SHANK2: variants seen among roughly 807,000 people sequenced by gnomAD.
SHANK2 encodes SH3 and multiple ankyrin repeat domains 2, also known as SH3 and multiple ankyrin repeat domains protein 2.
SHANK2 carries 43 observed loss-of-function variants against 133.7 expected under a neutral mutation model. The ratio of observed to expected loss-of-function variants is 0.32; its 90% CI spans 0.25 to 0.41. SHANK2 has a LOEUF of 0.41. Ranked by LOEUF, SHANK2 falls within the 10% of genes least tolerant of loss-of-function variation. The pLI, the probability that SHANK2 is intolerant of heterozygous loss-of-function variation, is 1.00. For synonymous variants in SHANK2, 1,017 were observed against 952.8 expected (o/e 1.07, Z -1.24); for missense variants, 1,994 against 2,235.8 (o/e 0.89, Z 2.18).
intron 11 of SHANK2, among the ~76,000 whole-genome samples, chr11:70,835,677 T>G (rs1307108508): frequency 1.3e-5 from 2 of 152,210 alleles, no homozygotes; most frequent in Non-Finnish European, 2.9e-5. Flanking sequence ...GATGGGGTCC[T>G]TTGTTCCAGC....
chr11:71,057,121 G>C (rs1950930631), intron 9 of SHANK2, among the ~76,000 whole-genome samples: 1 of 152,124 alleles, frequency 6.6e-6, no homozygotes, highest in African/African-American at 2.4e-5. Flanking sequence ...AATCACCTGA[G>C]GTCAGGAGCT....
At chr11:70,772,418 C>A (rs1202381451) in intron 14 of SHANK2, among the ~76,000 whole-genome samples, 4 of 144,084 alleles carry the variant, frequency 2.8e-5, no homozygotes, top group African/African-American at 1.0e-4. Flanking sequence ...CCAGCCTGGG[C>A]AATAGAGCAA....
chr11:71,170,788 A>G (rs1953298368), intron 2 of SHANK2, among the ~76,000 whole-genome samples: 1 of 152,368 alleles, frequency 6.6e-6, no homozygotes, highest in South Asian at 2.1e-4. Flanking sequence ...AGGAGGAAGC[A>G]GCTATTTCTC....
At chr11:70,955,430 T>G (rs1391640953) in intron 10 of SHANK2, among the ~76,000 whole-genome samples, 3 of 140,212 alleles carry the variant, frequency 2.1e-5, no homozygotes, top group Non-Finnish European at 3.2e-5. Flanking sequence ...GGGGTGTGTG[T>G]GTGTGTGTGT....
At chr11:70,754,109 A>G (rs3016184) in intron 14 of SHANK2, among the ~76,000 whole-genome samples, 91,429 of 152,090 alleles carry the variant, frequency 0.6, 28,615 homozygotes, top group African/African-American at 0.8. Flanking sequence ...ACTACGCCTG[A>G]CAATTGTGTA....
chr11:70,845,472 G>A (rs1398653449), intron 11 of SHANK2, among the ~76,000 whole-genome samples: 2 of 151,992 alleles, frequency 1.3e-5, no homozygotes, highest in East Asian at 1.9e-4. Flanking sequence ...ACTCGGCTTC[G>A]TGAACTTCCA....
chr11:70,549,853 C>A (rs564227189), intron 17 of SHANK2, among the ~76,000 whole-genome samples: 36 of 152,360 alleles, frequency 2.4e-4, no homozygotes, highest in Non-Finnish European at 4.7e-4. Context: ...TTGGGTTTTT[C>A]ACCAGGCAAG....
chr11:70,842,921 G>A (rs1555062147), intron 11 of SHANK2, among the ~76,000 whole-genome samples: 4 of 152,194 alleles, frequency 2.6e-5, no homozygotes, highest in Non-Finnish European at 4.4e-5. Flanking sequence ...GGCTCAGGGG[G>A]CCGGGCTGGG....
chr11:70,638,395 T>G (rs2061134189), intron 17 of SHANK2, among the ~76,000 whole-genome samples: 2 of 152,218 alleles, frequency 1.3e-5, no homozygotes, highest in South Asian at 4.1e-4. Context: ...CGGCCCCGCT[T>G]GCAGATGGGA....
At chr11:71,172,359 C>G (rs1794369497) in intron 2 of SHANK2, among the ~76,000 whole-genome samples, 1 of 151,932 alleles carries the variant, frequency 6.6e-6, no homozygotes, top group South Asian at 2.1e-4. Context: ...CACCTGTAAT[C>G]CCAGCACTTG....
chr11:71,138,764 C>T (rs1451075639), intron 3 of SHANK2, among the ~76,000 whole-genome samples: 1 of 144,316 alleles, frequency 6.9e-6, no homozygotes, highest in Non-Finnish European at 1.5e-5. Context: ...GAACTCCAGC[C>T]TGAGTGACAG....
intron 3 of SHANK2, among the ~76,000 whole-genome samples, chr11:71,136,324 G>A (rs1403977115): frequency 6.6e-6 from 1 of 152,118 alleles, no homozygotes; most frequent in Non-Finnish European, 1.5e-5. Context: ...AAAAAGGAGA[G>A]CATGTCTTTT....
At chr11:71,155,001 C>A (rs1590967874) in intron 2 of SHANK2, among the ~76,000 whole-genome samples, 1 of 137,476 alleles carries the variant, frequency 7.3e-6, no homozygotes, top group East Asian at 2.4e-4. Context: ...TACCCCAGCC[C>A]ACGCTCCCAG....
intron 3 of SHANK2, among the ~76,000 whole-genome samples, chr11:71,144,081 T>C (rs1341216179): frequency 3.3e-5 from 5 of 152,200 alleles, no homozygotes; most frequent in Admixed American, 1.3e-4. Context: ...ATGATGGCAG[T>C]GACCCCGGCA....
At chr11:70,614,707 A>T (rs2136410376) in intron 17 of SHANK2, among the ~76,000 whole-genome samples, 1 of 152,356 alleles carries the variant, frequency 6.6e-6, no homozygotes, top group East Asian at 1.9e-4. Flanking sequence ...CTCAGTGACC[A>T]AATAGGCCTT....
intron 1 of SHANK2, among the ~76,000 whole-genome samples, chr11:71,229,037 C>T (rs1450295646): frequency 6.6e-6 from 1 of 152,150 alleles, no homozygotes. Flanking sequence ...CAAAATTCAG[C>T]ATCTTTCTTT....
At chr11:70,593,943 A>G (rs2060363372) in intron 17 of SHANK2, among the ~76,000 whole-genome samples, 1 of 152,138 alleles carries the variant, frequency 6.6e-6, no homozygotes, top group Non-Finnish European at 1.5e-5. Flanking sequence ...TGCTGGTGTC[A>G]GATGCTGAGT....
intron 14 of SHANK2, among the ~76,000 whole-genome samples, chr11:70,742,595 G>A (rs569023296): frequency 4.9e-4 from 74 of 152,190 alleles, no homozygotes; most frequent in African/African-American, 1.7e-3. Flanking sequence ...CCCCCCACCC[G>A]GCTCTGCCAT....
At chr11:70,507,700 C>T (rs2059153052) in intron 17 of SHANK2, among the ~76,000 whole-genome samples, 1 of 152,192 alleles carries the variant, frequency 6.6e-6, no homozygotes, top group African/African-American at 2.4e-5. Flanking sequence ...CTGTGGGGGA[C>T]CCCAACTCAA....
Sources: allele counts gnomAD v4.1 joint callset (sites outside exome capture counted in the v4.1 genomes callset), GRCh38; gene constraint gnomAD v4.1.1; transcripts MANE v1.5; gene names NCBI Gene and HGNC (gene_info 2026-07-23, HGNC 2026-07-21).